Variants in FBXL17 observed in about 807,000 individuals in gnomAD.
FBXL17 encodes F-box and leucine rich repeat protein 17.
FBXL17 carries 22 observed loss-of-function variants against 66.2 expected under a neutral mutation model. That is an observed-to-expected ratio of 0.33 (90% confidence interval 0.24 to 0.47). The LOEUF is 0.47. FBXL17 is among the 20% of genes least tolerant of loss of function. FBXL17 has a pLI of 1.00. For missense variants in FBXL17, 878 were observed against 948.2 expected, an observed-to-expected ratio of 0.93 and a Z score of 0.97; for synonymous variants, 474 against 400.5, an observed-to-expected ratio of 1.18 and a Z score of -2.19.
intron 7 of FBXL17, among the ~76,000 whole-genome samples, chr5:108,010,752 G>T (rs1379565448): frequency 1.3e-5 from 2 of 152,036 alleles, no homozygotes; most frequent in Admixed American, 6.6e-5. Context: ...CAAAAATAGG[G>T]CAATTTGAGC....
At chr5:108,053,607 A>T (rs1050474190) in intron 6 of FBXL17, among the ~76,000 whole-genome samples, 6 of 152,176 alleles carry the variant, frequency 3.9e-5, no homozygotes, top group Non-Finnish European at 5.9e-5. Flanking sequence ...AAAGTCAAGA[A>T]ATAATAGATG....
intron 6 of FBXL17, among the ~76,000 whole-genome samples, chr5:108,062,951 A>G (rs1283156258): frequency 6.6e-6 from 1 of 152,132 alleles, no homozygotes; most frequent in African/African-American, 2.4e-5. Context: ...AAATAATACT[A>G]TGAGTATTAG....
chr5:108,216,234 T>A (rs145540930), intron 5 of FBXL17, among the ~76,000 whole-genome samples: 45 of 152,246 alleles, frequency 3.0e-4, no homozygotes, highest in South Asian at 8.3e-4. Flanking sequence ...AAAAAGCTGC[T>A]GAGATTTTTA....
intron 4 of FBXL17, among the ~76,000 whole-genome samples, chr5:108,307,985 T>C (rs1758931077): frequency 6.6e-6 from 1 of 152,112 alleles, no homozygotes; most frequent in African/African-American, 2.4e-5. Context: ...TAAAATATGA[T>C]ACATGAACAT....
chr5:108,091,112 A>C (rs548610374), intron 6 of FBXL17, among the ~76,000 whole-genome samples: 2 of 152,350 alleles, frequency 1.3e-5, no homozygotes, highest in East Asian at 3.9e-4. Context: ...TTAAAACGAA[A>C]CAAAACCTTA....
chr5:107,928,600 T>C (rs192794626), intron 7 of FBXL17, among the ~76,000 whole-genome samples: 1 of 152,234 alleles, frequency 6.6e-6, no homozygotes, highest in East Asian at 1.9e-4. Context: ...AGATAAGTAA[T>C]TGGCACATTT....
rs978737719 is a variant in FBXL17, at chr5:108,087,820, T to C, written c.1746-66819A>G. Among the ~76,000 whole-genome samples the C allele has an allele frequency of 5.3e-5, 8 of 152,230 alleles. No individual in the cohort carries two copies. The South Asian group carries it at 6.2e-4, about 12-fold the overall frequency. On this transcript the variant is annotated intron_variant, in intron 6 of 8. Transcript: ENST00000542267. Reference sequence around the variant, plus strand: ...CTCTAGCCACATATAGAACAAATGTTGGTGAGGCAGAAAGGCATTATTTAA... The same window carrying C: ...CTCTAGCCACATATAGAACAAATGTCGGTGAGGCAGAAAGGCATTATTTAA...
At chr5:108,215,250 T>C (rs2922418) in intron 5 of FBXL17, among the ~76,000 whole-genome samples, 117,625 of 152,224 alleles carry the variant, frequency 0.77, 46,088 homozygotes, top group East Asian at 0.93. Context: ...CTGGATCATA[T>C]GGTAATTCTG....
intron 6 of FBXL17, among the ~76,000 whole-genome samples, chr5:108,022,099 A>G (rs947556317): frequency 3.3e-5 from 5 of 151,892 alleles, no homozygotes; most frequent in Non-Finnish European, 2.9e-5. Context: ...GAGAAGACAT[A>G]TATGTTTTTT....
At chr5:108,235,376 C>T (rs1181847048) in intron 4 of FBXL17, among the ~76,000 whole-genome samples, 2 of 152,260 alleles carry the variant, frequency 1.3e-5, no homozygotes, top group East Asian at 1.9e-4. Context: ...CTGGACCCAT[C>T]GTTATACTAG....
At chr5:108,321,366 G>T (rs1243126321) in intron 4 of FBXL17, among the ~76,000 whole-genome samples, 1 of 151,654 alleles carries the variant, frequency 6.6e-6, no homozygotes, top group Non-Finnish European at 1.5e-5. Context: ...TAGAGAAAAC[G>T]ACTTCTTTCC....
intron 4 of FBXL17, among the ~76,000 whole-genome samples, chr5:108,230,881 A>T (rs1487207324): frequency 1.3e-5 from 2 of 152,188 alleles, no homozygotes; most frequent in Non-Finnish European, 2.9e-5. Flanking sequence ...AATCTCACAA[A>T]TCACTATTAA....
intron 6 of FBXL17, 75 bp from the exon 7 acceptor site, chr5:108,021,076 G>C: frequency 3.8e-6 from 4 of 1,062,896 alleles, no homozygotes; most frequent in Non-Finnish European, 5.8e-6. Flanking sequence ...AATAGGAAGA[G>C]GTCAGTATTT....
intron 6 of FBXL17, among the ~76,000 whole-genome samples, chr5:108,142,243 C>A (rs1314702483): frequency 6.6e-6 from 1 of 152,314 alleles, no homozygotes; most frequent in East Asian, 1.9e-4. Context: ...CTATAAGAGG[C>A]TCCACTCAAA....
chr5:108,021,808 GCAAATGCACCCT>G, intron 6 of FBXL17, among the ~76,000 whole-genome samples: 1 of 151,894 alleles, frequency 6.6e-6, no homozygotes, highest in East Asian at 1.9e-4. Flanking sequence ...AGACACACAG[GCAAATGCACCCT>G]TCAATGCAGT....
intron 4 of FBXL17, among the ~76,000 whole-genome samples, chr5:108,348,099 G>C (rs538693874): frequency 6.6e-6 from 1 of 152,204 alleles, no homozygotes; most frequent in Admixed American, 6.5e-5. Flanking sequence ...ACAGACTTAT[G>C]TTTGGCAAAC....
intron 7 of FBXL17, among the ~76,000 whole-genome samples, chr5:107,952,636 T>C (rs1473030857): frequency 6.6e-6 from 1 of 152,230 alleles, no homozygotes; most frequent in Non-Finnish European, 1.5e-5. Flanking sequence ...ACGTTTTCAG[T>C]GGTTACATTT....
At chr5:108,161,177 CAT>C (rs1277723780) in intron 6 of FBXL17, among the ~76,000 whole-genome samples, 1 of 151,884 alleles carries the variant, frequency 6.6e-6, no homozygotes, top group Non-Finnish European at 1.5e-5. Context: ...TACATACATA[CAT>C]ACATACATAC....
At chr5:108,049,691 A>C (rs974388975) in intron 6 of FBXL17, among the ~76,000 whole-genome samples, 9 of 152,178 alleles carry the variant, frequency 5.9e-5, no homozygotes. Flanking sequence ...AGTGTGCAAA[A>C]TAACCAGCTA....
Sources: gnomAD v4.1 joint callset for allele counts (sites outside exome capture counted in the v4.1 genomes callset) on GRCh38, gnomAD v4.1.1 for gene constraint, MANE v1.5 for transcripts, NCBI Gene and HGNC (gene_info 2026-07-23, HGNC 2026-07-21) for gene names.